The following ANO2 variants were observed in gnomAD, a reference collection of about 807,000 sequenced individuals.
ANO2 encodes the protein anoctamin-2.
In ANO2, 101 loss-of-function variants were observed where a neutral mutation model predicts 124.2. The observed-to-expected ratio is 0.81, with a 90% CI of 0.69 to 0.96. The LOEUF is 0.96. Ranked by LOEUF, ANO2 falls within the 40% of genes least tolerant of loss-of-function variation. ANO2 has a pLI of 0.00. For synonymous variants in ANO2, 486 were observed against 482.5 expected (o/e 1.01, Z -0.09); for missense variants, 1,293 against 1,274.5 (o/e 1.01, Z -0.22).
At chr12:5,652,576 C>T (rs1243431477) in intron 14 of ANO2, among the ~76,000 whole-genome samples, 1 of 151,968 alleles carries the variant, frequency 6.6e-6, no homozygotes, top group East Asian at 1.9e-4. Context: ...CTCCTCGAAG[C>T]TGTGATAGTT....
At chr12:5,756,674 G>T (rs1951592129) in intron 10 of ANO2, among the ~76,000 whole-genome samples, 2 of 152,260 alleles carry the variant, frequency 1.3e-5, no homozygotes, top group Admixed American at 6.5e-5. Context: ...CTGGCCTGCT[G>T]CTGGGTATGT....
chr12:5,856,450 C>G (rs1955099560), intron 3 of ANO2: 1 of 152,134 alleles, frequency 6.6e-6, no homozygotes, highest in South Asian at 2.1e-4. Flanking sequence ...TTCTCATGTT[C>G]TTCATTTTTA....
intron 13 of ANO2, among the ~76,000 whole-genome samples, chr12:5,738,516 G>A (rs1216454268): frequency 6.6e-6 from 1 of 152,156 alleles, no homozygotes; most frequent in African/African-American, 2.4e-5. Context: ...CATCCATGGT[G>A]GCACCTGGTG....
chr12:5,885,547 C>T (rs1565749114), intron 3 of ANO2, among the ~76,000 whole-genome samples: 1 of 152,194 alleles, frequency 6.6e-6, no homozygotes, highest in Non-Finnish European at 1.5e-5. Flanking sequence ...CAAGTAGACA[C>T]TATTCTTTTT....
At chr12:5,596,875 T>G (rs965440005) in intron 20 of ANO2, among the ~76,000 whole-genome samples, 3 of 152,188 alleles carry the variant, frequency 2.0e-5, no homozygotes, top group African/African-American at 7.2e-5. Context: ...TAAGACCCTC[T>G]TCTATTCACA....
At chr12:5,887,474 C>T (rs1939011813) in intron 3 of ANO2, among the ~76,000 whole-genome samples, 1 of 152,222 alleles carries the variant, frequency 6.6e-6, no homozygotes, top group Non-Finnish European at 1.5e-5. Flanking sequence ...GCCCATGTTT[C>T]CCTGCTCCTC....
chr12:5,650,479 A>G (rs887302940), intron 14 of ANO2, among the ~76,000 whole-genome samples: 5 of 152,114 alleles, frequency 3.3e-5, no homozygotes, highest in Non-Finnish European at 7.4e-5. Flanking sequence ...GACACTCCCA[A>G]CATAAGAAGC....
chr12:5,741,791 GACA>G (rs1175568510), intron 12 of ANO2, among the ~76,000 whole-genome samples: 1 of 152,154 alleles, frequency 6.6e-6, no homozygotes, highest in African/African-American at 2.4e-5. Flanking sequence ...TACAGATGAG[GACA>G]ACGATGCTCA....
At chr12:5,833,234 A>T (rs1954210641) in intron 4 of ANO2, among the ~76,000 whole-genome samples, 1 of 152,206 alleles carries the variant, frequency 6.6e-6, no homozygotes, top group African/African-American at 2.4e-5. Context: ...TAAGGCATAG[A>T]TTTAGTACCA....
intron 3 of ANO2, among the ~76,000 whole-genome samples, chr12:5,854,436 T>C (rs1279246421): frequency 6.7e-6 from 1 of 150,292 alleles, no homozygotes; most frequent in African/African-American, 2.5e-5. Context: ...TAAAACAATT[T>C]TGGTCACAGA....
intron 20 of ANO2, among the ~76,000 whole-genome samples, chr12:5,593,564 C>A (rs1412157970): frequency 6.6e-6 from 1 of 152,186 alleles, no homozygotes; most frequent in Admixed American, 6.5e-5. Flanking sequence ...ACAGGAAGAA[C>A]CTCCAGAGAT....
intron 4 of ANO2, among the ~76,000 whole-genome samples, chr12:5,833,546 C>T (rs1954222120): frequency 6.6e-6 from 1 of 152,120 alleles, no homozygotes; most frequent in Admixed American, 6.5e-5. Context: ...AACAGGGGTC[C>T]CCAATCCCCG....
chr12:5,746,437 C>T (rs1328557131), intron 11 of ANO2, among the ~76,000 whole-genome samples: 2 of 152,092 alleles, frequency 1.3e-5, no homozygotes, highest in African/African-American at 4.8e-5. Context: ...CTAAGAATGA[C>T]ATCGAAATGA....
At chr12:5,837,349 T>G (rs1391036838) in intron 4 of ANO2, among the ~76,000 whole-genome samples, 24 of 147,878 alleles carry the variant, frequency 1.6e-4, no homozygotes, top group African/African-American at 6.1e-4. Flanking sequence ...TAAATTATAC[T>G]TTAAGTTTTA....
At chr12:5,648,329 C>G (rs767595919) in intron 14 of ANO2, among the ~76,000 whole-genome samples, 7 of 152,190 alleles carry the variant, frequency 4.6e-5, no homozygotes, top group Non-Finnish European at 8.8e-5. Flanking sequence ...AATCGTTGTG[C>G]AAATTACCCA....
At chr12:5,922,350 A>G (rs1051987027) in intron 2 of ANO2, among the ~76,000 whole-genome samples, 3 of 152,184 alleles carry the variant, frequency 2.0e-5, no homozygotes, top group African/African-American at 7.2e-5. Context: ...GGCTTGCAGG[A>G]GGGGAACCAG....
At chr12:5,567,661 T>C (rs1440317999) in intron 23 of ANO2, among the ~76,000 whole-genome samples, 1 of 152,252 alleles carries the variant, frequency 6.6e-6, no homozygotes, top group Non-Finnish European at 1.5e-5. Flanking sequence ...CCCCTCTTTT[T>C]TCCAGTCTGA....
intron 7 of ANO2, among the ~76,000 whole-genome samples, chr12:5,812,492 GGAAGAA>G (rs1565688025): frequency 1.0e-5 from 1 of 97,586 alleles, no homozygotes; most frequent in South Asian, 4.5e-4. Flanking sequence ...AAGGAAGGAA[GGAAGAA>G]AGGGAGGGAG....
chr12:5,909,003 C>T (rs1315386306), intron 3 of ANO2, among the ~76,000 whole-genome samples: 1 of 152,160 alleles, frequency 6.6e-6, no homozygotes, highest in Non-Finnish European at 1.5e-5. Flanking sequence ...CGCTGTAGGT[C>T]CACAAAATAG....
Sources: allele counts gnomAD v4.1 joint callset (sites outside exome capture counted in the v4.1 genomes callset), GRCh38; gene constraint gnomAD v4.1.1; transcripts MANE v1.5; gene names NCBI Gene and HGNC (gene_info 2026-07-23, HGNC 2026-07-21).